Variants in SLC7A8 observed in about 807,000 individuals in gnomAD.
SLC7A8 encodes large neutral amino acids transporter small subunit 2.
In SLC7A8, 30 loss-of-function variants were observed where a neutral mutation model predicts 51.2. The observed-to-expected ratio is 0.59, with a 90% confidence interval of 0.44 to 0.80. SLC7A8 has a LOEUF of 0.80. Ranked by LOEUF, SLC7A8 falls within the 30% of genes least tolerant of loss-of-function variation. The pLI is 0.00. For synonymous variants in SLC7A8, 257 were observed against 275.8 expected, an observed-to-expected ratio of 0.93 and a Z score of 0.67; for missense variants, 612 against 674.4, an observed-to-expected ratio of 0.91 and a Z score of 1.03.
In SLC7A8 at chr14:23,158,635, C is replaced by T. The variant is rs111601841; in HGVS notation, c.508+6650G>A. ...CTGGGATTACAGGCGTAAGCCACCG[C>T]GCCCGGCCGACATAGAACACATTCT... On this transcript the variant is annotated intron_variant, in intron 3 of 10. Transcript: ENST00000316902. 3.9e-3 allele frequency among the ~76,000 whole-genome samples: 601 copies of T among 152,356 alleles called. 3 individuals carry two copies. Among genetic ancestry groups the T allele is most frequent in the African/African-American group, 0.014 (567 of 41,580 alleles).
intron 4 of SLC7A8, among the ~76,000 whole-genome samples, chr14:23,142,836 C>T (rs1286257422): frequency 6.6e-6 from 1 of 152,102 alleles, no homozygotes; most frequent in African/African-American, 2.4e-5. Flanking sequence ...GTGCTACAGC[C>T]TTGAGGTAAG....
At chr14:23,155,462 G>A in intron 3 of SLC7A8, 1 of 1,423,470 alleles carries the variant, frequency 7.0e-7, no homozygotes, top group Non-Finnish European at 9.1e-7. Context: ...TCACCACCCA[G>A]TATTTAGCTC....
At chr14:23,150,016 C>T (rs2048832503) in intron 3 of SLC7A8, among the ~76,000 whole-genome samples, 2 of 152,286 alleles carry the variant, frequency 1.3e-5, no homozygotes, top group South Asian at 4.1e-4. Flanking sequence ...ATGACTAAAT[C>T]ATCTAAGGAT....
chr14:23,172,719 G>A (rs1391784404), intron 1 of SLC7A8, among the ~76,000 whole-genome samples: 2 of 152,198 alleles, frequency 1.3e-5, no homozygotes, highest in Non-Finnish European at 1.5e-5. Flanking sequence ...TTGTCACAAT[G>A]AGGGTGGGAG....
rs1369008118 is a variant in SLC7A8, at chr14:23,128,457, C to T, written c.1264-261G>A. On this transcript the variant is annotated intron_variant, in intron 9 of 10. Transcript: ENST00000316902. This position sits in a 1 kb window ranked among gnomAD's most constrained non-coding sequence, Gnocchi z 4.3. ...AAACGATCCTCCTTGCCCATGTCCT[C>T]GCTCTTGGGTGTGGTTAGACAAGGC... 9 of 1,221,880 alleles carry T rather than the reference C, an allele frequency of 7.4e-6. No individual in the cohort carries two copies. Among genetic ancestry groups the T allele is most frequent in the East Asian group, 3.1e-5 (1 of 31,972 alleles). 75.7% of individuals were successfully genotyped at this position (1,221,880 alleles called of 1,614,324 possible).
chr14:23,127,084 G>A lies in SLC7A8; in HGVS notation c.*93C>T, dbSNP rs1259699380. The A allele has an allele frequency of 2.8e-6, 4 of 1,441,922 alleles. No homozygotes were observed. In the Admixed American group the frequency reaches 7.0e-5, roughly 25 times the overall value. The allele number at this position is 1,441,922 out of a possible 1,614,324, so 89.3% of individuals were successfully genotyped here. ...ACTGCCTGACAAAAGCAGAGAGAGGGGTGTGTGTGTACTCGCATGTGTTGG... is the reference window on the plus strand; with the variant it reads ...ACTGCCTGACAAAAGCAGAGAGAGGAGTGTGTGTGTACTCGCATGTGTTGG... On this transcript the variant is annotated 3_prime_UTR_variant, in exon 11 of 11. Transcript: ENST00000316902.
intron 1 of SLC7A8, among the ~76,000 whole-genome samples, chr14:23,179,692 A>C (rs777941885): frequency 6.6e-6 from 1 of 151,902 alleles, no homozygotes; most frequent in Admixed American, 6.6e-5. Context: ...GCCTGTGGTC[A>C]CAGCTACTGA....
intron 3 of SLC7A8, among the ~76,000 whole-genome samples, chr14:23,152,408 G>A (rs2048855303): frequency 6.6e-6 from 1 of 151,896 alleles, no homozygotes; most frequent in South Asian, 2.1e-4. Context: ...TGGGATTACA[G>A]GCATGAGCCA....
At chr14:23,179,347 A>G (rs1194781241) in intron 1 of SLC7A8, among the ~76,000 whole-genome samples, 1 of 152,178 alleles carries the variant, frequency 6.6e-6, no homozygotes, top group Non-Finnish European at 1.5e-5. Flanking sequence ...AATTCATTGT[A>G]TATTTCCATA....
intron 3 of SLC7A8, among the ~76,000 whole-genome samples, chr14:23,144,967 CTG>C (rs2048778769): frequency 6.8e-6 from 1 of 147,338 alleles, no homozygotes; most frequent in Non-Finnish European, 1.5e-5. Context: ...GAGTCTCACT[CTG>C]TCGCTCAGGC....
chr14:23,136,899 G>A (rs776048624), intron 7 of SLC7A8, among the ~76,000 whole-genome samples: 6 of 152,224 alleles, frequency 3.9e-5, no homozygotes, highest in African/African-American at 1.2e-4. Context: ...GTGGGTGAGC[G>A]TCACAGGGTC....
intron 7 of SLC7A8, among the ~76,000 whole-genome samples, chr14:23,133,860 G>C (rs1280525832): frequency 6.6e-6 from 1 of 151,992 alleles, no homozygotes; most frequent in East Asian, 1.9e-4. Context: ...TAGTCATAAT[G>C]TTTTTGAAAA....
Position 23,133,363 on chromosome 14 carries a change from C to G in SLC7A8, c.1017-1806G>C, listed in dbSNP as rs116819763. Among the ~76,000 whole-genome samples the G allele has an allele frequency of 4.0e-3, 591 of 147,574 alleles. 7 individuals are homozygous for G. The highest frequency in any genetic ancestry group is 0.014 in the African/African-American group (565 of 39,868). On this transcript the variant is annotated intron_variant, in intron 7 of 10. Transcript: ENST00000316902. ...GGCTGAGGTGACAGGATCACATGAG[C>G]CTGGGAGGCTGAGGCTGCAGTGAGC...
In SLC7A8 at chr14:23,165,525, T is replaced by C. The variant is rs1029027960; in HGVS notation, c.357-89A>G. 3.6e-6 allele frequency: 5 copies of C among 1,395,724 alleles called. No individual in the cohort carries two copies. Among genetic ancestry groups the C allele is most frequent in the Non-Finnish European group, 4.8e-6 (5 of 1,047,792 alleles). 86.5% of individuals were successfully genotyped at this position (1,395,724 alleles called of 1,614,324 possible). A position where few individuals can be genotyped will look rare whatever the true frequency, so the allele number is the denominator to read the frequency against. On this transcript the variant is annotated intron_variant, in intron 2 of 10. Transcript: ENST00000316902. This position sits in a 1 kb window ranked among gnomAD's most constrained non-coding sequence, Gnocchi z 4.2. Reference sequence around the variant, plus strand: ...CCCGGGCAAGTCATGCATCTCTTTTTTATTTTCAAGGATGCTGAAGAGCCC... The same window carrying C: ...CCCGGGCAAGTCATGCATCTCTTTTCTATTTTCAAGGATGCTGAAGAGCCC...
chr14:23,145,488 G>C (rs1477174574), intron 3 of SLC7A8, among the ~76,000 whole-genome samples: 2 of 146,182 alleles, frequency 1.4e-5, no homozygotes, highest in Non-Finnish European at 3.0e-5. Context: ...GATTGTGCCA[G>C]TGTTCTCCAG....
chr14:23,132,827 G>A (rs1339321465), intron 7 of SLC7A8, among the ~76,000 whole-genome samples: 2 of 151,874 alleles, frequency 1.3e-5, no homozygotes, highest in East Asian at 3.9e-4. Flanking sequence ...GTGGAGACGG[G>A]GTTTCTCCAT....
intron 6 of SLC7A8, chr14:23,138,304 A>G (rs1363105970): frequency 2.8e-6 from 1 of 362,770 alleles, no homozygotes; most frequent in Non-Finnish European, 5.1e-6. Context: ...ACTGAGTCAC[A>G]TAGTGATTAA....
intron 1 of SLC7A8, among the ~76,000 whole-genome samples, chr14:23,177,044 G>A (rs990142823): frequency 6.6e-6 from 1 of 151,880 alleles, no homozygotes; most frequent in Non-Finnish European, 1.5e-5. Context: ...AGCTAGATCA[G>A]CATCCAGTAT....
At chr14:23,164,431 A>AT (rs1415247002) in intron 3 of SLC7A8, among the ~76,000 whole-genome samples, 1 of 152,172 alleles carries the variant, frequency 6.6e-6, no homozygotes, top group African/African-American at 2.4e-5. Context: ...TGGGCAAGTC[A>AT]TTTGCCTGGC....
Sources: gnomAD v4.1 joint callset for allele counts (sites outside exome capture counted in the v4.1 genomes callset) on GRCh38, gnomAD v4.1.1 for gene constraint, Gnocchi (gnomAD v3.1) non-coding constraint, MANE v1.5 for transcripts, NCBI Gene and HGNC (gene_info 2026-07-23, HGNC 2026-07-21) for gene names.